The following LRRC8D variants were observed in gnomAD, a reference collection of about 807,000 sequenced individuals.
LRRC8D encodes the protein leucine rich repeat containing 8 VRAC subunit D, also known as volume-regulated anion channel subunit LRRC8D.
Under a neutral mutation model 55.8 loss-of-function variants are expected in LRRC8D, and 20 were observed. The observed-to-expected ratio is 0.36, with a 90% CI of 0.25 to 0.52. The LOEUF (loss-of-function observed/expected upper bound fraction) is 0.52, where lower values mean the gene tolerates loss of function less well. Ranked by LOEUF, LRRC8D falls within the 20% of genes least tolerant of loss-of-function variation. LRRC8D has a pLI of 0.93. For missense variants in LRRC8D, 651 were observed against 1,030.8 expected, an observed-to-expected ratio of 0.63 and a Z score of 5.05; for synonymous variants, 352 against 377.0, an observed-to-expected ratio of 0.93 and a Z score of 0.77.
At chr1:89,891,621 T>C (rs180929248) in intron 2 of LRRC8D, among the ~76,000 whole-genome samples, 8 of 152,214 alleles carry the variant, frequency 5.3e-5, no homozygotes, top group African/African-American at 1.9e-4. Context: ...CCTCTACATA[T>C]ATTATTTGGA....
At chr1:89,894,862 T>TA (rs1276613626) in intron 2 of LRRC8D, among the ~76,000 whole-genome samples, 2 of 152,232 alleles carry the variant, frequency 1.3e-5, no homozygotes, top group Non-Finnish European at 2.9e-5. Flanking sequence ...GCTGATGTGA[T>TA]ACGGAAAATT....
At chr1:89,885,496 A>C (rs17498191) in intron 2 of LRRC8D, among the ~76,000 whole-genome samples, 22,497 of 152,206 alleles carry the variant, frequency 0.15, 1,883 homozygotes, top group Non-Finnish European at 0.2. Flanking sequence ...CAGTGTTAGA[A>C]TGCATTAACT....
At chr1:89,890,531 C>T (rs1412875294) in intron 2 of LRRC8D, among the ~76,000 whole-genome samples, 3 of 152,192 alleles carry the variant, frequency 2.0e-5, no homozygotes, top group African/African-American at 7.2e-5. Context: ...CTCTCCGTAT[C>T]CCCTTTATCT....
intron 2 of LRRC8D, among the ~76,000 whole-genome samples, chr1:89,882,741 A>T (rs1342455649): frequency 1.3e-5 from 2 of 152,256 alleles, no homozygotes; most frequent in Non-Finnish European, 2.9e-5. Flanking sequence ...TGCAAGACAG[A>T]AATTGACATG....
chr1:89,860,776 AAAAAAAAAAAT>A (rs1661688102), intron 2 of LRRC8D, among the ~76,000 whole-genome samples: 1 of 90,522 alleles, frequency 1.1e-5, no homozygotes, highest in African/African-American at 3.6e-5. Context: ...AAAAAAAAAA[AAAAAAAAAAAT>A]ATATATATAT....
chr1:89,843,594 C>CG, intron 1 of LRRC8D, 44 bp from the exon 2 acceptor site: 1 of 693,630 alleles, frequency 1.4e-6, no homozygotes, highest in South Asian at 1.5e-5. Context: ...GCTGCCGACA[C>CG]TTGGATCTCT....
In LRRC8D at chr1:89,936,428, C is replaced by A. The variant is rs914254973; in HGVS notation, c.*783C>A. On this transcript the variant is annotated 3_prime_UTR_variant, in exon 3 of 3. Transcript: ENST00000337338. Reference sequence around the variant, plus strand: ...TTTCTAAAAATAAATTTTATTACAACAAAATAAAAATTTTAATGACTTATT... The same window carrying A: ...TTTCTAAAAATAAATTTTATTACAAAAAAATAAAAATTTTAATGACTTATT... 6.2e-6 allele frequency: 1 copy of A among 160,804 alleles called. No homozygotes were observed. The highest frequency in any genetic ancestry group is 1.5e-5 in the Non-Finnish European group (1 of 68,054). 10.0% of individuals were successfully genotyped at this position (160,804 alleles called of 1,614,324 possible).
intron 2 of LRRC8D, among the ~76,000 whole-genome samples, chr1:89,886,123 C>T (rs1328190020): frequency 1.3e-5 from 2 of 152,186 alleles, no homozygotes; most frequent in African/African-American, 4.8e-5. Flanking sequence ...TAATGAATCT[C>T]ATTGCCTTCG....
At chr1:89,909,861 G>A (rs1192945306) in intron 2 of LRRC8D, among the ~76,000 whole-genome samples, 49 of 128,976 alleles carry the variant, frequency 3.8e-4, no homozygotes, top group African/African-American at 9.6e-4. Flanking sequence ...GCAAGACTCC[G>A]TCTCAAAAAA....
At chr1:89,889,827 G>A (rs1233494293) in intron 2 of LRRC8D, among the ~76,000 whole-genome samples, 1 of 150,392 alleles carries the variant, frequency 6.6e-6, no homozygotes, top group Non-Finnish European at 1.5e-5. Flanking sequence ...AGGCTGCAGT[G>A]AGCCGAGATT....
chr1:89,921,649 A>G (rs1053801546), intron 2 of LRRC8D, among the ~76,000 whole-genome samples: 3 of 152,052 alleles, frequency 2.0e-5, no homozygotes, highest in African/African-American at 7.2e-5. Context: ...ACTTCAAGCA[A>G]TTCTTCTTCC....
intron 2 of LRRC8D, among the ~76,000 whole-genome samples, chr1:89,929,317 G>A (rs759680985): frequency 6.6e-6 from 1 of 152,220 alleles, no homozygotes; most frequent in Non-Finnish European, 1.5e-5. Context: ...AGTAATCAAG[G>A]CAGAGGAAAC....
intron 2 of LRRC8D, among the ~76,000 whole-genome samples, chr1:89,926,899 TC>T (rs1209909114): frequency 6.6e-6 from 1 of 152,226 alleles, no homozygotes; most frequent in African/African-American, 2.4e-5. Flanking sequence ...GTCCACAACT[TC>T]CGTGAGTCTA....
chr1:89,935,180 T>G lies in LRRC8D; in HGVS notation c.2112T>G (p.His704Gln). The G allele has an allele frequency of 1.9e-6, 3 of 1,614,206 alleles. No homozygotes were observed. Among genetic ancestry groups the G allele is most frequent in the Non-Finnish European group, 2.5e-6 (3 of 1,180,006 alleles). The change falls in exon 3 of 3, where the codon CAT becomes CAG. Residue 704 changes from histidine (H) to glutamine (Q), a missense_variant. Transcript: ENST00000337338. The part of the protein sequence containing the change: ...KIVTIPPSIT[H>Q]VKNLESLYFS... ...TTACTATTCCTCCCTCTATTACCCATGTCAAAAACTTGGAGTCACTTTATT... is the reference window on the plus strand; with the variant it reads ...TTACTATTCCTCCCTCTATTACCCAGGTCAAAAACTTGGAGTCACTTTATT...
chr1:89,869,141 A>G (rs1441067953), intron 2 of LRRC8D, among the ~76,000 whole-genome samples: 1 of 152,136 alleles, frequency 6.6e-6, no homozygotes, highest in Non-Finnish European at 1.5e-5. Flanking sequence ...TCCTGACCTC[A>G]GGTGATCCGC....
chr1:89,822,712 T>C (rs1339926699), intron 1 of LRRC8D, among the ~76,000 whole-genome samples: 1 of 152,114 alleles, frequency 6.6e-6, no homozygotes, highest in Non-Finnish European at 1.5e-5. Context: ...TTCCTCGCCA[T>C]AGCATCTGGG....
At chr1:89,845,835 G>A (rs759179176) in intron 2 of LRRC8D, among the ~76,000 whole-genome samples, 4 of 151,772 alleles carry the variant, frequency 2.6e-5, no homozygotes, top group African/African-American at 4.9e-5. Flanking sequence ...TGGCTGGAGT[G>A]CAATGGTGCG....
chr1:89,903,354 T>C (rs929635608), intron 2 of LRRC8D, among the ~76,000 whole-genome samples: 1 of 152,256 alleles, frequency 6.6e-6, no homozygotes, highest in South Asian at 2.1e-4. Flanking sequence ...GCTTCACCTT[T>C]AATATATTAG....
At chr1:89,854,104 T>C (rs547113671) in intron 2 of LRRC8D, among the ~76,000 whole-genome samples, 2 of 152,254 alleles carry the variant, frequency 1.3e-5, no homozygotes, top group East Asian at 3.9e-4. Flanking sequence ...GTTTATTCCA[T>C]TGGGACAGGA....
Sources: allele counts gnomAD v4.1 joint callset (sites outside exome capture counted in the v4.1 genomes callset), GRCh38; gene constraint gnomAD v4.1.1; transcripts MANE v1.5; gene names NCBI Gene and HGNC (gene_info 2026-07-23, HGNC 2026-07-21).